The following ASPH variants were observed in gnomAD, a reference collection of about 807,000 sequenced individuals.
The protein encoded by ASPH is aspartyl/asparaginyl beta-hydroxylase.
ASPH carries 100 observed loss-of-function variants against 118.4 expected under a neutral mutation model. The observed-to-expected ratio is 0.84, with a 90% CI of 0.72 to 1.00. The LOEUF (loss-of-function observed/expected upper bound fraction) is 1.00, where lower values mean the gene tolerates loss of function less well. ASPH is among the 50% of genes least tolerant of loss of function. The pLI, the probability that ASPH is intolerant of heterozygous loss-of-function variation, is 0.00. For synonymous variants in ASPH, 315 were observed against 325.6 expected, an observed-to-expected ratio of 0.97 and a Z score of 0.35; for missense variants, 920 against 919.5, an observed-to-expected ratio of 1.00 and a Z score of -0.01.
At chr8:61,526,979 C>T (rs1009215662) in intron 21 of ASPH, among the ~76,000 whole-genome samples, 14 of 152,292 alleles carry the variant, frequency 9.2e-5, no homozygotes, top group Middle Eastern at 3.4e-3. Flanking sequence ...TGTACAGATA[C>T]ACCAGAATTT....
At chr8:61,594,466 C>CA (rs1452933239) in intron 14 of ASPH, among the ~76,000 whole-genome samples, 6 of 152,064 alleles carry the variant, frequency 3.9e-5, no homozygotes, top group Admixed American at 6.5e-5. Context: ...ACCCCAATAC[C>CA]AAAAAAATTG....
In ASPH at chr8:61,515,332, C is replaced by T. The variant is rs186670430; in HGVS notation, c.2126+2196G>A. Among the ~76,000 whole-genome samples, 363 of 152,258 alleles carry T rather than the reference C, an allele frequency of 2.4e-3. 3 individuals are homozygous for T. The highest frequency in any genetic ancestry group is 0.022 in the Admixed American group (335 of 15,294). ...GCAGAGAGACCCTGAAGACCCAAAC[C>T]GAGTTCCCAGTGTAAGACAAGATTC... On this transcript the variant is annotated intron_variant, in intron 24 of 24. Coordinates refer to ENST00000379454, the MANE Select transcript of ASPH (RefSeq NM_004318.4).
intron 13 of ASPH, among the ~76,000 whole-genome samples, chr8:61,629,589 A>C (rs901418768): frequency 1.3e-5 from 2 of 152,250 alleles, no homozygotes; most frequent in African/African-American, 4.8e-5. Flanking sequence ...CCAAGAATCC[A>C]CGTGCACAGC....
In ASPH at chr8:61,618,983, GC is replaced by G; in HGVS notation, c.970del (p.Ala324GlnfsTer11). 6.2e-7 allele frequency: 1 copy of G among 1,603,346 alleles called. No homozygotes were observed. The highest frequency in any genetic ancestry group is 8.5e-7 in the Non-Finnish European group (1 of 1,171,900). ...NRKTDDPEQK[A>X]KVKKKKPKLL... ...TGTTTATTTGACAATCTCACCTTTT[GC>G]TTTTTGTTCTGGATCATCTGTTTTT... is the stretch of plus-strand genomic sequence containing the variant. On this transcript the variant is annotated frameshift_variant, in exon 14 of 25. Transcript: ENST00000379454. LOFTEE classifies it high-confidence loss of function.
At chr8:61,611,453 A>G (rs1343698422) in intron 14 of ASPH, among the ~76,000 whole-genome samples, 1 of 152,242 alleles carries the variant, frequency 6.6e-6, no homozygotes, top group Non-Finnish European at 1.5e-5. Flanking sequence ...ACACAGAGGC[A>G]TGAATGCCAG....
Sources: gnomAD v4.1 joint callset for allele counts (sites outside exome capture counted in the v4.1 genomes callset) on GRCh38, gnomAD v4.1.1 for gene constraint, MANE v1.5 for transcripts, NCBI Gene and HGNC (gene_info 2026-07-23, HGNC 2026-07-21) for gene names.